ALK: variants seen among roughly 807,000 people sequenced by gnomAD.
ALK encodes ALK tyrosine kinase receptor.
In ALK, 74 loss-of-function variants were observed where a neutral mutation model predicts 163.1. That is an observed-to-expected ratio of 0.45 (90% CI 0.38 to 0.55). The LOEUF (loss-of-function observed/expected upper bound fraction) is 0.55. Among genes scored for constraint, ALK ranks in the 20% least tolerant of loss-of-function variants. ALK has a pLI of 0.00. For synonymous variants in ALK, 960 were observed against 843.2 expected, an observed-to-expected ratio of 1.14 and a Z score of -2.40; for missense variants, 2,063 against 2,105.3, an observed-to-expected ratio of 0.98 and a Z score of 0.39.
At chr2:29,351,694 A>G (rs1357565678) in intron 5 of ALK, among the ~76,000 whole-genome samples, 1 of 152,186 alleles carries the variant, frequency 6.6e-6, no homozygotes, top group Non-Finnish European at 1.5e-5. Context: ...TGCAGCTGCA[A>G]AGTCTTGAGG....
At chr2:29,774,623 T>A (rs1681121060) in intron 1 of ALK, among the ~76,000 whole-genome samples, 1 of 152,234 alleles carries the variant, frequency 6.6e-6, no homozygotes, top group Non-Finnish European at 1.5e-5. Flanking sequence ...TCAGTTGTTT[T>A]GGCTTTGAGC....
At chr2:29,235,195 A>C (rs1033598514) in intron 13 of ALK, among the ~76,000 whole-genome samples, 1 of 152,224 alleles carries the variant, frequency 6.6e-6, no homozygotes, top group Non-Finnish European at 1.5e-5. Context: ...AGCTCAGACG[A>C]ATTCTTCAAA....
At chr2:29,283,699 G>T (rs1050447538) in intron 9 of ALK, among the ~76,000 whole-genome samples, 8 of 152,062 alleles carry the variant, frequency 5.3e-5, no homozygotes, top group Non-Finnish European at 2.9e-5. Context: ...GTGCCATCTT[G>T]GTTTTTAAAA....
At chr2:29,604,773 C>A (rs113768730) in intron 3 of ALK, among the ~76,000 whole-genome samples, 159 of 152,298 alleles carry the variant, frequency 1.0e-3, no homozygotes, top group African/African-American at 3.7e-3. Flanking sequence ...CTGCTCACAT[C>A]TCTGACACAG....
intron 3 of ALK, 34 bp downstream of exon 3, chr2:29,694,816 C>T (rs1372119771): frequency 1.9e-6 from 3 of 1,612,400 alleles, no homozygotes; most frequent in East Asian, 4.5e-5. Flanking sequence ...TGGCCCTGAC[C>T]CACCCAGGAC....
chr2:29,915,820 G>C (rs1186188823), intron 1 of ALK, among the ~76,000 whole-genome samples: 1 of 152,126 alleles, frequency 6.6e-6, no homozygotes, highest in African/African-American at 2.4e-5. Context: ...CAATTCTCTG[G>C]TGATTGTGCC....
chr2:29,295,973 G>A (rs560217677), intron 9 of ALK, among the ~76,000 whole-genome samples: 14 of 152,244 alleles, frequency 9.2e-5, no homozygotes, highest in Admixed American at 3.9e-4. Flanking sequence ...AGGATGATAC[G>A]GCAGGGTCAC....
intron 1 of ALK, among the ~76,000 whole-genome samples, chr2:29,912,915 T>C (rs1402492191): frequency 1.3e-5 from 2 of 152,138 alleles, no homozygotes; most frequent in Non-Finnish European, 2.9e-5. Flanking sequence ...GAAAACTAAA[T>C]AAAAGATAAG....
chr2:29,547,997 T>A (rs1325011344), intron 3 of ALK, among the ~76,000 whole-genome samples: 1 of 152,252 alleles, frequency 6.6e-6, no homozygotes, highest in Non-Finnish European at 1.5e-5. Context: ...GAAACTCACA[T>A]TTAACTGGAC....
intron 1 of ALK, among the ~76,000 whole-genome samples, chr2:29,722,623 A>C (rs1679454077): frequency 6.6e-6 from 1 of 152,148 alleles, no homozygotes; most frequent in African/African-American, 2.4e-5. Context: ...TCTGCATCTA[A>C]ACTCTCTCTC....
Position 29,531,881 on chromosome 2 carries a change from A to T in ALK, c.1154+34T>A, listed in dbSNP as rs1304737312. 5 of 1,611,468 alleles carry T rather than the reference A, an allele frequency of 3.1e-6. No homozygotes were observed. The Admixed American group carries it at 6.7e-5, about 21-fold the overall frequency. Reference sequence around the variant, plus strand: ...GTAACCAAAAGCCAAATCACCTGGTATAAAATCAATTTTGGACATGGAGAA... The same window carrying T: ...GTAACCAAAAGCCAAATCACCTGGTTTAAAATCAATTTTGGACATGGAGAA... On this transcript the variant is annotated intron_variant, in intron 4 of 28. Coordinates refer to ENST00000389048, the MANE Select transcript of ALK (RefSeq NM_004304.5).
intron 5 of ALK, among the ~76,000 whole-genome samples, chr2:29,358,828 G>T (rs1396697755): frequency 6.6e-6 from 1 of 152,110 alleles, no homozygotes; most frequent in Admixed American, 6.6e-5. Context: ...CTTATAATGA[G>T]TTGTCATAGA....
chr2:29,635,907 A>G (rs1193920670), intron 3 of ALK, among the ~76,000 whole-genome samples: 2 of 152,106 alleles, frequency 1.3e-5, no homozygotes, highest in African/African-American at 2.4e-5. Flanking sequence ...CTGGGATTAC[A>G]GGCATGAGTC....
At chr2:29,529,040 G>A (rs1375932828) in intron 4 of ALK, among the ~76,000 whole-genome samples, 1 of 152,158 alleles carries the variant, frequency 6.6e-6, no homozygotes, top group Non-Finnish European at 1.5e-5. Flanking sequence ...CTGCTTTCCA[G>A]GCAACCAGGA....
At chr2:29,360,401 T>C (rs927761891) in intron 5 of ALK, among the ~76,000 whole-genome samples, 2 of 152,192 alleles carry the variant, frequency 1.3e-5, no homozygotes, top group African/African-American at 4.8e-5. Flanking sequence ...CTGTCCCTGG[T>C]CTAGCCTCTG....
intron 4 of ALK, among the ~76,000 whole-genome samples, chr2:29,467,748 T>A (rs895181619): frequency 1.3e-5 from 2 of 152,152 alleles, no homozygotes; most frequent in African/African-American, 2.4e-5. Context: ...CTCTCATGAG[T>A]ATATTACAGA....
intron 4 of ALK, among the ~76,000 whole-genome samples, chr2:29,478,342 A>G (rs930594641): frequency 6.6e-6 from 1 of 152,252 alleles, no homozygotes; most frequent in African/African-American, 2.4e-5. Flanking sequence ...TTTCGTATAA[A>G]GGGCTTTGCA....
At position 29,244,855 on chromosome 2, in the gene ALK, G is replaced by A. The variant is rs936355918; in HGVS notation, c.2205-5025C>T. On this transcript the variant is annotated intron_variant, in intron 12 of 28. Coordinates refer to ENST00000389048, the MANE Select transcript of ALK (RefSeq NM_004304.5). ...CCTACTATTGTCTAGAACCTGACTG[G>A]CATTGTGGACTGTTATTAAACTTTT... Among the ~76,000 whole-genome samples the A allele has an allele frequency of 1.7e-4, 26 of 152,250 alleles. 1 individual carries two copies. The highest frequency in any genetic ancestry group is 2.9e-4 in the Non-Finnish European group (20 of 68,048).
At chr2:29,647,779 T>C (rs10185893) in intron 3 of ALK, among the ~76,000 whole-genome samples, 2,646 of 118,194 alleles carry the variant, frequency 0.022, 45 homozygotes, top group African/African-American at 0.074. Context: ...TTTTTTCTTT[T>C]TTTTTTTTTT....
Sources: allele counts gnomAD v4.1 joint callset (sites outside exome capture counted in the v4.1 genomes callset), GRCh38; gene constraint gnomAD v4.1.1; transcripts MANE v1.5; gene names NCBI Gene and HGNC (gene_info 2026-07-23, HGNC 2026-07-21).